Variants in ANKDD1A observed in about 807,000 individuals in gnomAD.
The protein encoded by ANKDD1A is ankyrin repeat and death domain containing 1A.
Under a neutral mutation model 63.5 loss-of-function variants are expected in ANKDD1A, and 59 were observed. That is an observed-to-expected ratio of 0.93 (90% CI 0.75 to 1.15). The LOEUF is 1.15. Ranked by LOEUF, ANKDD1A falls within the 50% of genes most tolerant of loss-of-function variation. The probability of loss-of-function intolerance (pLI) is 0.00; values close to 1 mark genes in which losing one functional copy is unlikely to be tolerated. For missense variants in ANKDD1A, 632 were observed against 656.4 expected (o/e 0.96, Z 0.41); for synonymous variants, 266 against 263.9 (o/e 1.01, Z -0.08).
intron 3 of ANKDD1A, among the ~76,000 whole-genome samples, chr15:64,918,859 C>T (rs2140365467): frequency 6.6e-6 from 1 of 151,984 alleles, no homozygotes; most frequent in Non-Finnish European, 1.5e-5. Flanking sequence ...GAGGCTGAGG[C>T]AGGAGAATCG....
Position 64,943,520 on chromosome 15 carries a change from G to A in ANKDD1A, c.1003G>A (p.Ala335Thr), listed in dbSNP as rs572642318. 2.5e-5 allele frequency: 41 copies of A among 1,614,188 alleles called. 1 individual carries two copies. The Middle Eastern group carries it at 4.9e-4, about 19-fold the overall frequency. The change falls in exon 11 of 15, where the codon GCC becomes ACC. Residue 335 changes from alanine to threonine, a missense_variant. Physicochemically the swap from Ala to Thr is moderately conservative, Grantham distance 58. Transcript: ENST00000319580. ...QTPLHLAAEH[A>T]WQDIADMLLI... is the part of the protein sequence containing the mutation. ...GCCCCTTCACCTGGCTGCAGAGCACGCCTGGCAGGACATAGCAGATATGCT... is the reference window on the plus strand; with the variant it reads ...GCCCCTTCACCTGGCTGCAGAGCACACCTGGCAGGACATAGCAGATATGCT...
At chr15:64,944,392 G>A (rs1020569849) in intron 11 of ANKDD1A, among the ~76,000 whole-genome samples, 1 of 152,256 alleles carries the variant, frequency 6.6e-6, no homozygotes, top group Non-Finnish European at 1.5e-5. Flanking sequence ...TGAGGGCTGA[G>A]TTTCATAAGC....
rs766397648 is a variant in ANKDD1A, at chr15:64,958,022, G to C, written c.*834G>C. 6.6e-6 allele frequency: 1 copy of C among 152,226 alleles called. No individual in the cohort carries two copies. The highest frequency in any genetic ancestry group is 2.4e-5 in the African/African-American group (1 of 41,454). 9.4% of individuals were successfully genotyped at this position (152,226 alleles called of 1,614,324 possible). ...CGGGTGGGAGAAAGAGTTCTCAGTG[G>C]TTCCTTTCTATACAGTTTTAACTTT... On this transcript the variant is annotated 3_prime_UTR_variant, in exon 15 of 15. Coordinates refer to ENST00000319580, the MANE Select transcript of ANKDD1A (RefSeq NM_182703.6).
chr15:64,952,207 CTCTT>C (rs763905247), intron 14 of ANKDD1A, among the ~76,000 whole-genome samples: 19 of 141,434 alleles, frequency 1.3e-4, no homozygotes, highest in South Asian at 4.4e-4. Context: ...TTCTTCTTTC[CTCTT>C]TCTTCTTCTT....
At chr15:64,957,039 C>G (rs1358117090) in intron 14 of ANKDD1A, 64 bp from the exon 15 acceptor site, 3 of 446,020 alleles carry the variant, frequency 6.7e-6, no homozygotes, top group African/African-American at 6.1e-5. Context: ...TCTTTCTGAG[C>G]TACACTTTAA....
intron 1 of ANKDD1A, among the ~76,000 whole-genome samples, chr15:64,914,500 C>T (rs1355539784): frequency 2.0e-5 from 3 of 152,196 alleles, no homozygotes; most frequent in Admixed American, 2.0e-4. Context: ...TGCTTTTTAG[C>T]CCAGGCTGGT....
Position 64,953,569 on chromosome 15 carries a change from C to CTTTCTTCTTG in ANKDD1A, c.1484-3532_1484-3531insTCTTCTTGTT, listed in dbSNP as rs2085347535. Reference sequence around the variant, plus strand: ...TCCTTCTCCTTCTTTCTTCCTCCTTCTTCTTAGTTCTTCTTCTTCCTTCTC... The same window carrying CTTTCTTCTTG: ...TCCTTCTCCTTCTTTCTTCCTCCTTCTTTCTTCTTGTTCTTAGTTCTTCTTCTTCCTTCTC... On this transcript the variant is annotated intron_variant, in intron 14 of 14. Coordinates refer to ENST00000319580, the MANE Select transcript of ANKDD1A (RefSeq NM_182703.6). Among the ~76,000 whole-genome samples, 3 of 138,392 alleles carry CTTTCTTCTTG rather than the reference C, an allele frequency of 2.2e-5. 1 individual carries two copies. Among genetic ancestry groups the CTTTCTTCTTG allele is most frequent in the African/African-American group, 8.4e-5 (3 of 35,750 alleles). The allele number at this position is 138,392 out of a possible 152,430, so 90.8% of individuals were successfully genotyped here.
intron 6 of ANKDD1A, among the ~76,000 whole-genome samples, chr15:64,928,327 A>G (rs999024945): frequency 6.6e-6 from 1 of 152,262 alleles, no homozygotes; most frequent in Non-Finnish European, 1.5e-5. Flanking sequence ...CTAGGCATGC[A>G]AAGAGCGGGG....
rs554865465 is a variant in ANKDD1A at position 64,956,357 on chromosome 15, G to A, written c.1484-746G>A. Among the ~76,000 whole-genome samples the A allele has an allele frequency of 1.3e-3, 190 of 151,678 alleles. 1 individual carries two copies. Among genetic ancestry groups the A allele is most frequent in the Admixed American group, 1.7e-3 (26 of 15,172 alleles). On this transcript the variant is annotated intron_variant, in intron 14 of 14. Coordinates refer to ENST00000319580, the MANE Select transcript of ANKDD1A (RefSeq NM_182703.6). ...GAGGTCAGGAGATCGAGACCATCCT[G>A]GCTAACACAGTGAAACCCTGTCTCT... is the stretch of plus-strand genomic sequence containing the variant.
intron 9 of ANKDD1A, among the ~76,000 whole-genome samples, chr15:64,936,696 C>T (rs982954405): frequency 3.3e-5 from 5 of 151,912 alleles, no homozygotes; most frequent in African/African-American, 1.2e-4. Flanking sequence ...AAAAATCAGC[C>T]GGGTATGGTG....
chr15:64,943,832 T>A, intron 11 of ANKDD1A: 4 of 518,614 alleles, frequency 7.7e-6, no homozygotes, highest in Non-Finnish European at 1.4e-5. Flanking sequence ...GATTGCTTTC[T>A]CCTTTATGGC....
chr15:64,938,763 C>T (rs961070085), intron 9 of ANKDD1A, among the ~76,000 whole-genome samples: 1 of 151,284 alleles, frequency 6.6e-6, no homozygotes, highest in Non-Finnish European at 1.5e-5. Context: ...ACCAGCCTGG[C>T]CAACATGGTG....
At position 64,926,098 on chromosome 15, in the gene ANKDD1A, A is replaced by G; in HGVS notation, c.399A>G (p.Gln133=). 1 of 1,613,970 alleles carries G rather than the reference A, an allele frequency of 6.2e-7. No individual in the cohort carries two copies. Among genetic ancestry groups the G allele is most frequent in the Non-Finnish European group, 8.5e-7 (1 of 1,179,968 alleles). Residue 133 remains glutamine (Q), a synonymous_variant, in exon 5 of 15, where the codon CAA becomes CAG. Coordinates refer to ENST00000319580, the MANE Select transcript of ANKDD1A (RefSeq NM_182703.6). ...TGACCTTACTGCACTGCGCAGCCCA[A>G]AAAGGCCATGTGCCTGTGCTGGCGT... The part of the protein sequence containing the change: ...DGLTLLHCAA[Q]KGHVPVLAFI...
rs781358566 is a variant in ANKDD1A at position 64,917,427 on chromosome 15, C to T, written c.180C>T (p.His60=). Reference sequence around the variant, plus strand: ...TGCACTGGGCTGCAGGTGCAGGGCACGAGCAGGCTGTGCGTCTGCTTCTGG... The same window carrying T: ...TGCACTGGGCTGCAGGTGCAGGGCATGAGCAGGCTGTGCGTCTGCTTCTGG... ...VALHWAAGAG[H]EQAVRLLLEH... The change falls in exon 3 of 15, where the codon CAC becomes CAT. Residue 60 remains histidine, a synonymous_variant. Coordinates refer to ENST00000319580, the MANE Select transcript of ANKDD1A (RefSeq NM_182703.6). 35 of 1,610,704 alleles carry T rather than the reference C, an allele frequency of 2.2e-5. No homozygotes were observed. The highest frequency in any genetic ancestry group is 1.9e-4 in the Middle Eastern group (1 of 5,238).
At chr15:64,921,896 A>G in intron 3 of ANKDD1A, 25 bp from the exon 4 acceptor site, 1 of 1,608,038 alleles carries the variant, frequency 6.2e-7, no homozygotes, top group South Asian at 1.1e-5. Context: ...CATTCTTCTC[A>G]CCTCCTCTAT....
At chr15:64,920,701 A>G (rs1258715433) in intron 3 of ANKDD1A, among the ~76,000 whole-genome samples, 1 of 151,776 alleles carries the variant, frequency 6.6e-6, no homozygotes, top group Non-Finnish European at 1.5e-5. Context: ...ACAGGCACGT[A>G]CCACCATGCC....
intron 4 of ANKDD1A, among the ~76,000 whole-genome samples, chr15:64,924,602 A>G (rs1038338083): frequency 2.0e-5 from 3 of 152,252 alleles, no homozygotes; most frequent in African/African-American, 7.2e-5. Context: ...CTACCTTGCC[A>G]GGCATTGGTG....
intron 14 of ANKDD1A, among the ~76,000 whole-genome samples, chr15:64,953,852 TC>T (rs2085362635): frequency 6.5e-5 from 1 of 15,390 alleles, no homozygotes; most frequent in East Asian, 0.012. Context: ...TTTTCTTCTT[TC>T]CTCTTCTTCC....
intron 14 of ANKDD1A, among the ~76,000 whole-genome samples, chr15:64,953,521 CT>C (rs2085343534): frequency 3.8e-4 from 19 of 50,416 alleles, no homozygotes; most frequent in African/African-American, 1.1e-3. Context: ...CCTTCTCCTT[CT>C]TCCTTCTTCT....
Sources: gnomAD v4.1 joint callset for allele counts (sites outside exome capture counted in the v4.1 genomes callset) on GRCh38, gnomAD v4.1.1 for gene constraint, MANE v1.5 for transcripts, NCBI Gene and HGNC (gene_info 2026-07-23, HGNC 2026-07-21) for gene names.